Variants in NEK11 observed in about 807,000 individuals in gnomAD.
NEK11 encodes serine/threonine-protein kinase Nek11.
Under a neutral mutation model 80.7 loss-of-function variants are expected in NEK11, and 72 were observed. That is an observed-to-expected ratio of 0.89 (90% CI 0.74 to 1.08). The LOEUF is 1.08. Ranked by LOEUF, NEK11 falls within the 50% of genes least tolerant of loss-of-function variation. NEK11 has a pLI of 0.00. For missense variants in NEK11, 764 were observed against 763.6 expected, an observed-to-expected ratio of 1.00 and a Z score of -0.01; for synonymous variants, 251 against 260.7, an observed-to-expected ratio of 0.96 and a Z score of 0.36.
chr3:131,066,761 G>A (rs374857136), intron 3 of NEK11, among the ~76,000 whole-genome samples: 2 of 150,392 alleles, frequency 1.3e-5, no homozygotes, highest in East Asian at 3.9e-4. Flanking sequence ...AGAATCACTT[G>A]AACTTGGGAG....
At chr3:131,265,033 A>G (rs1434448545) in intron 16 of NEK11, among the ~76,000 whole-genome samples, 3 of 152,160 alleles carry the variant, frequency 2.0e-5, no homozygotes, top group African/African-American at 2.4e-5. Context: ...ATTGGTATAT[A>G]GGAATGCTTG....
At chr3:131,028,045 G>A (rs536455141) in intron 2 of NEK11, 43 bp downstream of exon 2, 3 of 152,224 alleles carry the variant, frequency 2.0e-5, no homozygotes, top group East Asian at 1.9e-4. Flanking sequence ...ATGGCCAGAC[G>A]GCATCACTTT....
At chr3:131,119,269 G>A (rs2081933549) in intron 5 of NEK11, among the ~76,000 whole-genome samples, 1 of 152,210 alleles carries the variant, frequency 6.6e-6, no homozygotes, top group Non-Finnish European at 1.5e-5. Flanking sequence ...TTTCCATGTA[G>A]TTGAGCGGTT....
Position 131,350,086 on chromosome 3 carries a change from C to G in NEK11, c.*310C>G. ...AGGATTGAGTCACCCTGACGATGAC[C>G]GGGGAGAAGCCGTGTGCTCTTCATT... On this transcript the variant is annotated 3_prime_UTR_variant, in exon 18 of 18. Coordinates refer to ENST00000383366, the MANE Select transcript of NEK11 (RefSeq NM_024800.5). The G allele has an allele frequency of 1.0e-5, 3 of 297,430 alleles. No homozygotes were observed. The highest frequency in any genetic ancestry group is 7.5e-5 in the South Asian group (2 of 26,546). The allele number at this position is 297,430 out of a possible 1,614,324, so 18.4% of individuals were successfully genotyped here.
intron 16 of NEK11, among the ~76,000 whole-genome samples, chr3:131,272,919 T>C (rs2096225413): frequency 6.6e-6 from 1 of 152,198 alleles, no homozygotes; most frequent in African/African-American, 2.4e-5. Flanking sequence ...ACACCTCAAC[T>C]TTCATTACCA....
chr3:131,224,835 A>G (rs2095141782), intron 14 of NEK11, among the ~76,000 whole-genome samples: 1 of 152,214 alleles, frequency 6.6e-6, no homozygotes, highest in Non-Finnish European at 1.5e-5. Context: ...CTTATTGACT[A>G]TCTCCTAGTT....
chr3:131,114,059 T>C (rs569460916), intron 5 of NEK11, among the ~76,000 whole-genome samples: 177 of 151,996 alleles, frequency 1.2e-3, no homozygotes, highest in Non-Finnish European at 2.4e-3. Context: ...GGGAGGAAGT[T>C]GTCTTCATCT....
chr3:131,249,324 C>T (rs1260989698), intron 16 of NEK11, among the ~76,000 whole-genome samples: 2 of 152,074 alleles, frequency 1.3e-5, no homozygotes, highest in Admixed American at 1.3e-4. Context: ...CCTACAGAAT[C>T]TCATAAATGC....
intron 3 of NEK11, among the ~76,000 whole-genome samples, chr3:131,052,187 A>G (rs2068547842): frequency 7.2e-6 from 1 of 138,414 alleles, no homozygotes; most frequent in African/African-American, 2.7e-5. Context: ...AGATATTTCC[A>G]TGTTAGTGTG....
At chr3:131,174,931 A>G in intron 14 of NEK11, 1 of 1,425,306 alleles carries the variant, frequency 7.0e-7, no homozygotes, top group Non-Finnish European at 9.2e-7. Flanking sequence ...ACCAGCTGTC[A>G]CCTCTTCATT....
chr3:131,212,142 C>T (rs977079718), intron 14 of NEK11, among the ~76,000 whole-genome samples: 9 of 152,082 alleles, frequency 5.9e-5, no homozygotes, highest in East Asian at 1.9e-4. Flanking sequence ...CCTACAGATG[C>T]GGTTTTGGTG....
At chr3:131,297,599 C>T (rs2096610233) in intron 17 of NEK11, among the ~76,000 whole-genome samples, 2 of 152,046 alleles carry the variant, frequency 1.3e-5, no homozygotes, top group Admixed American at 1.3e-4. Context: ...AAAATTTTCT[C>T]CTATTTTGTA....
intron 14 of NEK11, among the ~76,000 whole-genome samples, chr3:131,171,088 A>G (rs528789642): frequency 6.6e-6 from 1 of 152,252 alleles, no homozygotes; most frequent in South Asian, 2.1e-4. Context: ...CTTCTTTGCA[A>G]TAGTGAGGAT....
intron 17 of NEK11, among the ~76,000 whole-genome samples, chr3:131,289,295 A>C (rs911353155): frequency 6.6e-6 from 1 of 152,200 alleles, no homozygotes; most frequent in Admixed American, 6.5e-5. Context: ...CCACAATAAC[A>C]GCCTTGTTTT....
chr3:131,205,031 C>T (rs892708018), intron 14 of NEK11, among the ~76,000 whole-genome samples: 9 of 152,056 alleles, frequency 5.9e-5, no homozygotes, highest in Non-Finnish European at 1.2e-4. Flanking sequence ...ATAAAAGGCC[C>T]AGTCCAGATC....
At chr3:131,222,661 G>A (rs1322774206) in intron 14 of NEK11, among the ~76,000 whole-genome samples, 2 of 152,164 alleles carry the variant, frequency 1.3e-5, no homozygotes, top group African/African-American at 2.4e-5. Context: ...TTTTATTATA[G>A]TGTATACTCT....
intron 5 of NEK11, among the ~76,000 whole-genome samples, chr3:131,127,059 A>G (rs539983460): frequency 2.2e-5 from 3 of 138,880 alleles, no homozygotes; most frequent in Non-Finnish European, 3.0e-5. Flanking sequence ...TCCGCCTCCC[A>G]TGTTCAAGCA....
At chr3:131,234,797 A>G (rs1161062168) in intron 15 of NEK11, among the ~76,000 whole-genome samples, 1 of 150,022 alleles carries the variant, frequency 6.7e-6, no homozygotes, top group African/African-American at 2.5e-5. Flanking sequence ...TATATCACTT[A>G]CTTCTCTTAA....
chr3:131,124,074 C>T (rs763346463), intron 5 of NEK11, among the ~76,000 whole-genome samples: 11 of 152,118 alleles, frequency 7.2e-5, no homozygotes, highest in Non-Finnish European at 1.0e-4. Context: ...GGCTGTAACA[C>T]GACCACGTAT....
Sources: allele counts gnomAD v4.1 joint callset (sites outside exome capture counted in the v4.1 genomes callset), GRCh38; gene constraint gnomAD v4.1.1; transcripts MANE v1.5; gene names NCBI Gene and HGNC (gene_info 2026-07-23, HGNC 2026-07-21).